The following BTAF1 variants were observed in gnomAD, a reference collection of about 807,000 sequenced individuals.
BTAF1 encodes the protein B-TFIID TATA-box binding protein associated factor 1.
A neutral mutation model predicts 227.1 loss-of-function variants in BTAF1; 38 were observed. The ratio of observed to expected loss-of-function variants is 0.17; its 90% CI spans 0.13 to 0.22. The LOEUF (loss-of-function observed/expected upper bound fraction) is 0.22. Ranked by LOEUF, BTAF1 falls within the 10% of genes least tolerant of loss-of-function variation. The probability of loss-of-function intolerance (pLI) is 1.00; values close to 1 mark genes in which losing one functional copy is unlikely to be tolerated. For missense variants in BTAF1, 1,598 were observed against 2,204.0 expected (o/e 0.73, Z 5.51); for synonymous variants, 742 against 751.9 (o/e 0.99, Z 0.21).
intron 4 of BTAF1, among the ~76,000 whole-genome samples, chr10:91,944,586 T>C (rs553919854): frequency 2.0e-5 from 3 of 152,362 alleles, no homozygotes; most frequent in East Asian, 3.9e-4. Flanking sequence ...ATTATACAAT[T>C]CATCATTTAA....
At position 92,008,914 on chromosome 10, in the gene BTAF1, A is replaced by C. The variant is rs1375544198; in HGVS notation, c.3899A>C (p.Gln1300Pro). Residue 1300 changes from glutamine to proline, a missense_variant, in exon 27 of 38, where the codon CAG (glutamine) becomes CCG (proline). This residue lies in a region of BTAF1 where 184 missense variants were observed against 341.1 expected (regional missense o/e 0.54). Coordinates refer to ENST00000265990, the MANE Select transcript of BTAF1 (RefSeq NM_003972.3). ...GACATGGGTTTAGGAAAAACTTTAC[A>C]GTCCATCTGCATTCTAGCAGGAGAT... ...CDDMGLGKTL[Q>P]SICILAGDHC... 6.2e-7 allele frequency: 1 copy of C among 1,613,948 alleles called. No homozygotes were observed. The highest frequency in any genetic ancestry group is 8.5e-7 in the Non-Finnish European group (1 of 1,179,906).
intron 19 of BTAF1, among the ~76,000 whole-genome samples, chr10:91,986,890 A>C (rs1020161329): frequency 1.1e-4 from 16 of 152,000 alleles, no homozygotes; most frequent in Admixed American, 1.0e-3. Context: ...GCAGTTTTCA[A>C]AGGAGCCACT....
Position 91,993,697 on chromosome 10 carries a change from C to A in BTAF1, c.3049C>A (p.Gln1017Lys). 6.7e-7 allele frequency: 1 copy of A among 1,486,150 alleles called. No individual in the cohort carries two copies. The highest frequency in any genetic ancestry group is 9.0e-7 in the Non-Finnish European group (1 of 1,106,890). 92.1% of individuals were successfully genotyped at this position (1,486,150 alleles called of 1,614,324 possible). The stretch of plus-strand genomic sequence containing the variant: ...TTATCTAACATTTAATTTTAAGGCC[C>A]AGAAGCCTTACCTGGTACAACGGAG... ...GNILVELDEAQKPYLVQRRGA... is the reference protein window; with the variant it reads ...GNILVELDEAKKPYLVQRRGA... Residue 1017 changes from glutamine to lysine, a missense_variant, in exon 22 of 38, where the codon CAG becomes AAG. Coordinates refer to ENST00000265990, the MANE Select transcript of BTAF1 (RefSeq NM_003972.3).
In BTAF1 at chr10:92,008,105, T is replaced by TC; in HGVS notation, c.3661-18_3661-17insC. The TC allele has an allele frequency of 6.4e-7, 1 of 1,563,002 alleles. No homozygotes were observed. Among genetic ancestry groups the TC allele is most frequent in the Non-Finnish European group, 8.6e-7 (1 of 1,166,092 alleles). ...TGTGAGTACGTAGTTTTTAATAACT[T>TC]TAAAAAAATCATTTTAGGCAGGCAT... On this transcript the variant is annotated splice_polypyrimidine_tract_variant and intron_variant, in intron 25 of 37. Transcript: ENST00000265990.
intron 34 of BTAF1, 62 bp from the exon 35 acceptor site, chr10:92,024,694 G>A (rs1285809290): frequency 7.4e-7 from 1 of 1,352,224 alleles, no homozygotes; most frequent in Non-Finnish European, 1.0e-6. Context: ...GAATGTCACA[G>A]TGAGATTAGT....
rs927763332 is a variant in BTAF1 at position 92,011,280 on chromosome 10, C to T, written c.4182-6C>T. On this transcript the variant is annotated splice_polypyrimidine_tract_variant and splice_region_variant and intron_variant, in intron 29 of 37. Coordinates refer to ENST00000265990, the MANE Select transcript of BTAF1 (RefSeq NM_003972.3). ...GTTGTAAAATTTTCTATTTATTCTC[C>T]CTTAGAAATATTAAATTTAACTACT... The T allele has an allele frequency of 6.6e-7, 1 of 1,504,646 alleles. No homozygotes were observed. Among genetic ancestry groups the T allele is most frequent in the African/African-American group, 1.4e-5 (1 of 69,354 alleles). The allele number at this position is 1,504,646 out of a possible 1,614,324, so 93.2% of individuals were successfully genotyped here.
intron 2 of BTAF1, among the ~76,000 whole-genome samples, chr10:91,939,676 G>A (rs1015112257): frequency 6.6e-6 from 1 of 152,122 alleles, no homozygotes; most frequent in African/African-American, 2.4e-5. Flanking sequence ...GACCTCAGGT[G>A]GTCTGCCCAC....
In BTAF1 at chr10:92,030,294, A is replaced by C. The variant is rs1459420945; in HGVS notation, c.*1361A>C. On this transcript the variant is annotated 3_prime_UTR_variant, in exon 38 of 38. Transcript: ENST00000265990. ...TGTAACATTAAACCTAGCATTCCAC[A>C]AGAGAATAAATATAAGATTGAAACT... 6.6e-6 allele frequency: 1 copy of C among 152,568 alleles called. No homozygotes were observed. The highest frequency in any genetic ancestry group is 1.5e-5 in the Non-Finnish European group (1 of 67,982). 9.5% of individuals were successfully genotyped at this position (152,568 alleles called of 1,614,324 possible).
chr10:91,966,480 G>T lies in BTAF1; in HGVS notation c.1530-157G>T, dbSNP rs185498275. ...ACAGTTGTGAATGACATTGTTACAT[G>T]AATGTTCATATGAAAACTGTATTAT... On this transcript the variant is annotated intron_variant, in intron 13 of 37. Transcript: ENST00000265990. 2.5e-3 allele frequency among the ~76,000 whole-genome samples: 381 copies of T among 152,210 alleles called. 2 individuals are homozygous for T. The highest frequency in any genetic ancestry group is 8.1e-3 in the African/African-American group (336 of 41,526).
intron 14 of BTAF1, among the ~76,000 whole-genome samples, chr10:91,976,736 T>A (rs1348076434): frequency 2.6e-5 from 4 of 152,216 alleles, no homozygotes; most frequent in Non-Finnish European, 5.9e-5. Context: ...TTCCTTACGA[T>A]ACGAATTTGG....
At position 92,031,286 on chromosome 10, in the gene BTAF1, C is replaced by CTTAT. The variant is rs1002452641; in HGVS notation, c.*2359_*2362dup. ...CTCATATATATGCTTATTGTATATG[C>CTTAT]TTATTTATTCTACAAACATTTCTCC... On this transcript the variant is annotated 3_prime_UTR_variant, in exon 38 of 38. Coordinates refer to ENST00000265990, the MANE Select transcript of BTAF1 (RefSeq NM_003972.3). 1.3e-5 allele frequency among the ~76,000 whole-genome samples: 2 copies of CTTAT among 152,010 alleles called. No homozygotes were observed. The highest frequency in any genetic ancestry group is 2.9e-5 in the Non-Finnish European group (2 of 67,990).
At chr10:91,942,679 A>T in intron 4 of BTAF1, 111 bp downstream of exon 4, 1 of 1,279,512 alleles carries the variant, frequency 7.8e-7, no homozygotes, top group South Asian at 1.6e-5. Context: ...TGAAATGTAA[A>T]TTAACTGAAG....
At position 91,928,769 on chromosome 10, in the gene BTAF1, C is replaced by A. The variant is rs879818294; in HGVS notation, c.14+4679C>A. ...ACAGAGCAAGAATCCATCCCCCCCC[C>A]CCCCGCCCCCCAAAAAAAGCAACCT... On this transcript the variant is annotated intron_variant, in intron 1 of 37. Transcript: ENST00000265990. Among the ~76,000 whole-genome samples the A allele has an allele frequency of 4.0e-4, 54 of 135,664 alleles. 1 individual carries two copies. Among genetic ancestry groups the A allele is most frequent in the Non-Finnish European group, 7.1e-4 (46 of 64,464 alleles). 89.0% of individuals were successfully genotyped at this position (135,664 alleles called of 152,430 possible). A position where few individuals can be genotyped will look rare whatever the true frequency, so the allele number is the denominator to read the frequency against.
In BTAF1 at chr10:92,013,684, G is replaced by A; in HGVS notation, c.4329G>A (p.Leu1443=). 6.2e-7 allele frequency: 1 copy of A among 1,614,058 alleles called. No homozygotes were observed. Among genetic ancestry groups the A allele is most frequent in the Non-Finnish European group, 8.5e-7 (1 of 1,180,016 alleles). The stretch of plus-strand genomic sequence containing the variant: ...GTTTACAGAACAACGTTTTGGAGCT[G>A]TGGTCATTATTTGATTTCCTCATGC... The part of the protein sequence containing the change: ...GTPIQNNVLE[L]WSLFDFLMPG... The change falls in exon 31 of 38, where the codon CTG becomes CTA. Residue 1443 remains leucine, a synonymous_variant. Transcript: ENST00000265990.
At chr10:91,960,587 GTTTTT>G (rs369256520) in intron 11 of BTAF1, among the ~76,000 whole-genome samples, 1 of 140,314 alleles carries the variant, frequency 7.1e-6, no homozygotes, top group Admixed American at 7.1e-5. Flanking sequence ...AACTGTCAGT[GTTTTT>G]TTTTTTTTTT....
intron 26 of BTAF1, among the ~76,000 whole-genome samples, chr10:92,008,510 G>GTT (rs35905847): frequency 0.012 from 1,637 of 133,996 alleles, 34 homozygotes; most frequent in African/African-American, 0.04. Flanking sequence ...TGGCCAGCTA[G>GTT]TTTTTTTTTT....
chr10:91,991,812 TATATATATATATATATATATACACAC>T (rs1848803747), intron 20 of BTAF1, among the ~76,000 whole-genome samples: 4 of 57,436 alleles, frequency 7.0e-5, no homozygotes, highest in Admixed American at 3.3e-4. Flanking sequence ...TATATATATA[TATATATATATATATATATATACACAC>T]ATATATACAC....
At chr10:92,018,055 A>C (rs546773369) in intron 33 of BTAF1, among the ~76,000 whole-genome samples, 10 of 152,212 alleles carry the variant, frequency 6.6e-5, no homozygotes, top group Non-Finnish European at 1.2e-4. Context: ...AATGTGTAGA[A>C]GGGAGAGAAT....
At chr10:91,998,502 A>G (rs893759769) in intron 25 of BTAF1, among the ~76,000 whole-genome samples, 2 of 152,186 alleles carry the variant, frequency 1.3e-5, no homozygotes, top group Non-Finnish European at 2.9e-5. Flanking sequence ...TAGAAGGATC[A>G]TGTTGGAGTA....
Sources: allele counts gnomAD v4.1 joint callset (sites outside exome capture counted in the v4.1 genomes callset), GRCh38; gene constraint gnomAD v4.1.1; regional missense constraint gnomAD v4.1.1; transcripts MANE v1.5; gene names NCBI Gene and HGNC (gene_info 2026-07-23, HGNC 2026-07-21).